HIVEP3: variants seen among roughly 807,000 people sequenced by gnomAD.
The protein encoded by HIVEP3 is HIVEP zinc finger 3.
Under a neutral mutation model 152.8 loss-of-function variants are expected in HIVEP3, and 49 were observed. The ratio of observed to expected loss-of-function variants is 0.32; its 90% confidence interval spans 0.26 to 0.41. HIVEP3 has a LOEUF of 0.41. Ranked by LOEUF, HIVEP3 falls within the 10% of genes least tolerant of loss-of-function variation. The pLI is 1.00. For synonymous variants in HIVEP3, 1,269 were observed against 1,289.0 expected (o/e 0.98, Z 0.33); for missense variants, 2,790 against 3,103.3 (o/e 0.90, Z 2.40).
intron 1 of HIVEP3, among the ~76,000 whole-genome samples, chr1:41,837,617 C>T (rs539373874): frequency 3.3e-5 from 5 of 152,226 alleles, no homozygotes; most frequent in Non-Finnish European, 4.4e-5. Flanking sequence ...AGAGCCACCA[C>T]GCCCGGCCTG....
chr1:41,936,321 C>T (rs532517126), intron 1 of HIVEP3, among the ~76,000 whole-genome samples: 1 of 152,260 alleles, frequency 6.6e-6, no homozygotes, highest in East Asian at 1.9e-4. Context: ...GATGACTCAG[C>T]AAGAGGCAAC....
intron 4 of HIVEP3, among the ~76,000 whole-genome samples, chr1:41,578,244 A>C (rs116402470): frequency 0.011 from 1,736 of 152,370 alleles, 36 homozygotes; most frequent in African/African-American, 0.04. Flanking sequence ...AACATTTAGC[A>C]TAGTACTTGG....
At chr1:41,983,613 T>C (rs1645306297) in intron 1 of HIVEP3, among the ~76,000 whole-genome samples, 1 of 151,958 alleles carries the variant, frequency 6.6e-6, no homozygotes, top group South Asian at 2.1e-4. Flanking sequence ...AAAACAGTCA[T>C]ACCTAAGCCA....
At chr1:41,876,238 C>G (rs1419649747) in intron 1 of HIVEP3, among the ~76,000 whole-genome samples, 1 of 151,664 alleles carries the variant, frequency 6.6e-6, no homozygotes, top group Non-Finnish European at 1.5e-5. Flanking sequence ...CTATGATATC[C>G]CAGATTAAGC....
In HIVEP3 at chr1:41,629,170, T is replaced by C. The variant is rs142126584; in HGVS notation, c.-720-223A>G. Among the ~76,000 whole-genome samples, 606 of 152,262 alleles carry C rather than the reference T, an allele frequency of 4.0e-3. 5 individuals are homozygous for C. Among genetic ancestry groups the C allele is most frequent in the South Asian group, 0.036 (174 of 4,808 alleles). The stretch of plus-strand genomic sequence containing the variant: ...TAGTGTGGTAGGCAGAATTCTAAGA[T>C]GGCCCTCAAGATTTCCGGTTCCCCT... On this transcript the variant is annotated intron_variant, in intron 2 of 8. Transcript: ENST00000372583.
intron 1 of HIVEP3, among the ~76,000 whole-genome samples, chr1:41,840,737 G>A (rs752649269): frequency 4.6e-5 from 7 of 152,158 alleles, no homozygotes; most frequent in Admixed American, 6.5e-5. Flanking sequence ...GATCCTGGCC[G>A]TGCCAGCCAG....
intron 1 of HIVEP3, among the ~76,000 whole-genome samples, chr1:41,834,719 T>C (rs1643072042): frequency 6.6e-6 from 1 of 152,198 alleles, no homozygotes; most frequent in African/African-American, 2.4e-5. Context: ...TCATAGAGCT[T>C]ATTTTCTAGT....
intron 1 of HIVEP3, among the ~76,000 whole-genome samples, chr1:42,024,215 T>C (rs1348595588): frequency 6.6e-6 from 1 of 152,206 alleles, no homozygotes; most frequent in East Asian, 1.9e-4. Flanking sequence ...CTATATATTA[T>C]TTAGTTGTTA....
chr1:41,729,184 T>A (rs1646802031), intron 1 of HIVEP3, among the ~76,000 whole-genome samples: 1 of 152,150 alleles, frequency 6.6e-6, no homozygotes, highest in Non-Finnish European at 1.5e-5. Context: ...TAAAACGAGA[T>A]CCTGGGGGAA....
intron 2 of HIVEP3, among the ~76,000 whole-genome samples, chr1:41,655,514 C>T (rs988471846): frequency 3.8e-5 from 5 of 132,268 alleles, no homozygotes; most frequent in Non-Finnish European, 6.1e-5. Context: ...ACCCAGGAGG[C>T]GAAGGTTGTA....
intron 1 of HIVEP3, among the ~76,000 whole-genome samples, chr1:41,910,180 C>A (rs1644773958): frequency 6.6e-6 from 1 of 151,742 alleles, no homozygotes; most frequent in Admixed American, 6.6e-5. Flanking sequence ...TGAGAAAATT[C>A]TTAAAAGACC....
At chr1:41,836,515 C>T (rs191798042) in intron 1 of HIVEP3, among the ~76,000 whole-genome samples, 29 of 152,334 alleles carry the variant, frequency 1.9e-4, no homozygotes, top group African/African-American at 6.0e-4. Context: ...GATCTCCTTA[C>T]GAGTAATCCC....
intron 1 of HIVEP3, among the ~76,000 whole-genome samples, chr1:41,745,084 G>T (rs890646206): frequency 4.6e-5 from 7 of 152,178 alleles, no homozygotes; most frequent in African/African-American, 1.7e-4. Context: ...GGAGAGAGAT[G>T]GTTCCTTTCC....
At chr1:41,604,713 C>G (rs1644792786) in intron 3 of HIVEP3, among the ~76,000 whole-genome samples, 1 of 152,130 alleles carries the variant, frequency 6.6e-6, no homozygotes, top group Admixed American at 6.5e-5. Context: ...TATAGATTAC[C>G]CAGCTTTAGT....
chr1:41,902,211 TG>T (rs1463106012), intron 1 of HIVEP3, among the ~76,000 whole-genome samples: 1 of 152,192 alleles, frequency 6.6e-6, no homozygotes, highest in Non-Finnish European at 1.5e-5. Context: ...AGGCATTTTC[TG>T]GTCTGAAAGA....
intron 1 of HIVEP3, among the ~76,000 whole-genome samples, chr1:41,991,179 C>CA (rs1307157719): frequency 1.3e-5 from 2 of 151,708 alleles, no homozygotes; most frequent in African/African-American, 4.8e-5. Context: ...AACAGAGACA[C>CA]AAAAAACCCT....
chr1:41,595,275 C>T (rs145355727), intron 3 of HIVEP3, among the ~76,000 whole-genome samples: 1 of 152,328 alleles, frequency 6.6e-6, no homozygotes, highest in Non-Finnish European at 1.5e-5. Flanking sequence ...TCTTCAGTTG[C>T]CAAGCTCACC....
At chr1:41,978,909 A>T (rs1645278469) in intron 1 of HIVEP3, among the ~76,000 whole-genome samples, 1 of 152,016 alleles carries the variant, frequency 6.6e-6, no homozygotes, top group Non-Finnish European at 1.5e-5. Context: ...CCCAACGATC[A>T]CTGCACCAGA....
At chr1:41,846,841 TG>T (rs1387860643) in intron 1 of HIVEP3, among the ~76,000 whole-genome samples, 1 of 152,206 alleles carries the variant, frequency 6.6e-6, no homozygotes, top group Non-Finnish European at 1.5e-5. Flanking sequence ...AATGAAAGAA[TG>T]AACAAATGAC....
Sources: allele counts gnomAD v4.1 joint callset (sites outside exome capture counted in the v4.1 genomes callset), GRCh38; gene constraint gnomAD v4.1.1; transcripts MANE v1.5; gene names NCBI Gene and HGNC (gene_info 2026-07-23, HGNC 2026-07-21).